The following DHTKD1 variants were observed in gnomAD, a reference collection of about 807,000 sequenced individuals.
DHTKD1 encodes 2-oxoadipate dehydrogenase complex component E1.
In DHTKD1, 78 loss-of-function variants were observed where a neutral mutation model predicts 101.8. The ratio of observed to expected loss-of-function variants is 0.77; its 90% CI spans 0.64 to 0.93. The LOEUF (loss-of-function observed/expected upper bound fraction) is 0.93, where lower values mean the gene tolerates loss of function less well. Among genes scored for constraint, DHTKD1 ranks in the 40% least tolerant of loss-of-function variants. The probability of loss-of-function intolerance (pLI) is 0.00; values close to 1 mark genes in which losing one functional copy is unlikely to be tolerated. For missense variants in DHTKD1, 1,223 were observed against 1,161.7 expected (o/e 1.05, Z -0.77); for synonymous variants, 462 against 450.3 (o/e 1.03, Z -0.33).
chr10:12,079,932 C>T (rs901063960), intron 1 of DHTKD1, among the ~76,000 whole-genome samples: 9 of 152,174 alleles, frequency 5.9e-5, no homozygotes, highest in Non-Finnish European at 1.3e-4. Flanking sequence ...CAAACACATC[C>T]TGTGTGTGTT....
chr10:12,100,287 G>GTT lies in DHTKD1; in HGVS notation c.1756+38_1756+39dup, dbSNP rs57815181. Reference sequence around the variant, plus strand: ...GGTAAGAATTTTCTTTTTTTTTTCTGTTTTTTTTTTTTTTGAGTCTCACCC... The same window carrying GTT: ...GGTAAGAATTTTCTTTTTTTTTTCTGTTTTTTTTTTTTTTTTGAGTCTCACCC... On this transcript the variant is annotated intron_variant, in intron 9 of 16. Coordinates refer to ENST00000263035, the MANE Select transcript of DHTKD1 (RefSeq NM_018706.7). The GTT allele has an allele frequency of 5.1e-4, 140 of 272,176 alleles. 6 individuals are homozygous for GTT. The highest frequency in any genetic ancestry group is 1.4e-3 in the Middle Eastern group (1 of 708). 16.9% of individuals were successfully genotyped at this position (272,176 alleles called of 1,614,324 possible).
At chr10:12,086,981 C>G (rs879709009) in intron 3 of DHTKD1, among the ~76,000 whole-genome samples, 1 of 152,178 alleles carries the variant, frequency 6.6e-6, no homozygotes, top group Admixed American at 6.6e-5. Flanking sequence ...ACCACCATGC[C>G]TGGCCTGGTC....
At chr10:12,102,527 T>G (rs961827257) in intron 10 of DHTKD1, among the ~76,000 whole-genome samples, 5 of 151,936 alleles carry the variant, frequency 3.3e-5, no homozygotes, top group African/African-American at 4.8e-5. Context: ...GTCCAAAATC[T>G]ACCCTTGGAT....
At position 12,089,174 on chromosome 10, in the gene DHTKD1, C is replaced by A; in HGVS notation, c.906C>A (p.Arg302=). ...AVNPVAVGKT[R]GRQQSRQDGD... is the part of the protein sequence containing the mutation. ...ACCCCGTGGCCGTGGGCAAAACTCGCGGCAGGCAGCAGTCTCGCCAAGACG... is the reference window on the plus strand; with the variant it reads ...ACCCCGTGGCCGTGGGCAAAACTCGAGGCAGGCAGCAGTCTCGCCAAGACG... The change falls in exon 5 of 17, where the codon CGC becomes CGA. Residue 302 remains arginine (R), a synonymous_variant. Transcript: ENST00000263035. 1 of 1,614,146 alleles carries A rather than the reference C, an allele frequency of 6.2e-7. No homozygotes were observed. The highest frequency in any genetic ancestry group is 1.1e-5 in the South Asian group (1 of 91,074).
Position 12,094,213 on chromosome 10 carries a change from G to A in DHTKD1, c.1300G>A (p.Gly434Ser), listed in dbSNP as rs145036232. 8.2e-5 allele frequency: 133 copies of A among 1,614,128 alleles called. No homozygotes were observed. In the African/African-American group the frequency reaches 1.7e-3, roughly 20 times the overall value. ...TGATCTGTTGTGCTACAGGCAGTGG[G>A]GCCACAATGAGCTGGATGAGCCATT... The part of the protein sequence containing the change: ...IIDLLCYRQW[G>S]HNELDEPFYT... The change falls in exon 7 of 17, where the codon GGC (glycine) becomes AGC (serine). Residue 434 changes from glycine (G) to serine (S), a missense_variant. Gly to Ser is a moderately conservative substitution (Grantham distance 56). Transcript: ENST00000263035.
chr10:12,106,453 C>T lies in DHTKD1; in HGVS notation c.2047+57C>T, dbSNP rs114465220. On this transcript the variant is annotated intron_variant, in intron 11 of 16. Transcript: ENST00000263035. ...GGGGGTCCCTGCGTGGCCCCAGCCT[C>T]GTGGGGACAAATGAATGAAAAGGGG... 6.8e-4 allele frequency: 1,083 copies of T among 1,599,232 alleles called. 10 individuals are homozygous for T. In the African/African-American group the frequency reaches 0.013, roughly 19 times the overall value.
At position 12,101,108 on chromosome 10, in the gene DHTKD1, T is replaced by C; in HGVS notation, c.1823T>C (p.Val608Ala). ...RGTFSQRHAI[V>A]VCQETDDTYI... is the part of the protein sequence containing the mutation. ...ACTTTCAGTCAGAGGCATGCAATCG[T>C]GGTTTGCCAGGAGACGGATGACACC... Residue 608 changes from valine to alanine, a missense_variant, in exon 10 of 17, where the codon GTG (valine) becomes GCG (alanine). Val to Ala is a moderately conservative substitution (Grantham distance 64). Coordinates refer to ENST00000263035, the MANE Select transcript of DHTKD1 (RefSeq NM_018706.7). 6.2e-7 allele frequency: 1 copy of C among 1,614,048 alleles called. No homozygotes were observed. The highest frequency in any genetic ancestry group is 8.5e-7 in the Non-Finnish European group (1 of 1,179,990).
In DHTKD1 at chr10:12,101,140, C is replaced by T. The variant is rs767120098; in HGVS notation, c.1855C>T (p.Pro619Ser). The change falls in exon 10 of 17, where the codon CCC (proline) becomes TCC (serine). Residue 619 changes from proline to serine, a missense_variant. Physicochemically the swap from Pro to Ser is moderately conservative, Grantham distance 74. Coordinates refer to ENST00000263035, the MANE Select transcript of DHTKD1 (RefSeq NM_018706.7). ...CCAGGAGACGGATGACACCTACATC[C>T]CCCTGAACCATATGGACCCAAATCA... ...VCQETDDTYIPLNHMDPNQKG... is the reference protein window; with the variant it reads ...VCQETDDTYISLNHMDPNQKG... 6.2e-7 allele frequency: 1 copy of T among 1,614,124 alleles called. No individual in the cohort carries two copies. The highest frequency in any genetic ancestry group is 2.2e-5 in the East Asian group (1 of 44,884).
intron 12 of DHTKD1, among the ~76,000 whole-genome samples, chr10:12,111,934 A>G (rs1428061279): frequency 3.3e-5 from 5 of 152,134 alleles, no homozygotes; most frequent in East Asian, 1.9e-4. Flanking sequence ...CTCTGCAGAC[A>G]TGGAACAGGC....
intron 14 of DHTKD1, among the ~76,000 whole-genome samples, chr10:12,118,430 T>G (rs1316885419): frequency 6.7e-6 from 1 of 150,034 alleles, no homozygotes; most frequent in African/African-American, 2.5e-5. Context: ...TCGCCCAGGC[T>G]GGAGTGCAGT....
rs12416681 is a variant in DHTKD1, at chr10:12,117,669, G to A, written c.2320-4G>A. 164,476 of 1,576,106 alleles carry A rather than the reference G, an allele frequency of 0.1. 9,630 individuals carry two copies. The highest frequency in any genetic ancestry group is 0.12 in the Non-Finnish European group (137,079 of 1,152,528). Reference sequence around the variant, plus strand: ...CTGGATGTGTGGCCTCTTCTCCCTCGTAGGCAGCCGTGTCAACTCTTCAAG... The same window carrying A: ...CTGGATGTGTGGCCTCTTCTCCCTCATAGGCAGCCGTGTCAACTCTTCAAG... On this transcript the variant is annotated splice_polypyrimidine_tract_variant and splice_region_variant and intron_variant, in intron 13 of 16. Transcript: ENST00000263035.
At chr10:12,091,775 G>T in intron 6 of DHTKD1, 91 bp downstream of exon 6, 1 of 975,242 alleles carries the variant, frequency 1.0e-6, no homozygotes. Flanking sequence ...GAGCCTCACT[G>T]GTTATCCCTC....
chr10:12,105,633 G>A (rs78145770), intron 10 of DHTKD1, among the ~76,000 whole-genome samples: 69 of 152,228 alleles, frequency 4.5e-4, no homozygotes, highest in African/African-American at 1.5e-3. Context: ...CTTATAAGAC[G>A]CAGTTGTATA....
chr10:12,103,079 C>A lies in DHTKD1; in HGVS notation c.1896+1898C>A, dbSNP rs755007799. Among the ~76,000 whole-genome samples, 1 of 152,060 alleles carries A rather than the reference C, an allele frequency of 6.6e-6. No homozygotes were observed. The stretch of plus-strand genomic sequence containing the variant: ...CTCTACTAAAAATACAAAAATTAGT[C>A]GGGCATGGTGGCACACGCCTGTAAT... On this transcript the variant is annotated intron_variant, in intron 10 of 16. Transcript: ENST00000263035. This position sits in a 1 kb window ranked among gnomAD's most constrained non-coding sequence, Gnocchi z 4.8.
intron 12 of DHTKD1, among the ~76,000 whole-genome samples, chr10:12,109,268 A>G (rs1373804617): frequency 1.3e-5 from 2 of 152,140 alleles, no homozygotes; most frequent in Admixed American, 1.3e-4. Context: ...TAAACAGATG[A>G]TAGCTTAATA....
In DHTKD1 at chr10:12,091,674, C is replaced by T; in HGVS notation, c.1149C>T (p.Cys383=). The part of the protein sequence containing the change: ...PAERGRSSLY[C]SDIGKLVGCA... ...AAAGAGGAAGGTCTTCTTTATACTGCAGTGATATTGGTACGTAACACAGGG... is the reference window on the plus strand; with the variant it reads ...AAAGAGGAAGGTCTTCTTTATACTGTAGTGATATTGGTACGTAACACAGGG... The change falls in exon 6 of 17, where the codon TGC becomes TGT. Residue 383 remains cysteine (C), a synonymous_variant. Transcript: ENST00000263035. 6.2e-7 allele frequency: 1 copy of T among 1,613,540 alleles called. No homozygotes were observed. The highest frequency in any genetic ancestry group is 8.5e-7 in the Non-Finnish European group (1 of 1,179,808).
Position 12,087,528 on chromosome 10 carries a change from T to A in DHTKD1, c.523-7T>A. 5 of 1,584,320 alleles carry A rather than the reference T, an allele frequency of 3.2e-6. No individual in the cohort carries two copies. Among genetic ancestry groups the A allele is most frequent in the Non-Finnish European group, 4.3e-6 (5 of 1,164,426 alleles). ...TGGCAGCTCACGTCTGACATGATGT[T>A]CTGCAGGAGTTTGACCACTTTCTGG... On this transcript the variant is annotated splice_polypyrimidine_tract_variant and splice_region_variant and intron_variant, in intron 3 of 16. Coordinates refer to ENST00000263035, the MANE Select transcript of DHTKD1 (RefSeq NM_018706.7). The surrounding 1 kb of genome is among the most constrained non-coding windows in gnomAD (Gnocchi z 5.2).
intron 9 of DHTKD1, 25 bp downstream of exon 9, chr10:12,100,287 G>GCT: frequency 7.4e-6 from 2 of 269,862 alleles, no homozygotes; most frequent in Admixed American, 7.6e-5. Flanking sequence ...TTTTTTTTCT[G>GCT]TTTTTTTTTT....
chr10:12,118,618 G>A lies in DHTKD1; in HGVS notation c.2403-131G>A, dbSNP rs998233193. On this transcript the variant is annotated intron_variant, in intron 14 of 16. Coordinates refer to ENST00000263035, the MANE Select transcript of DHTKD1 (RefSeq NM_018706.7). Reference sequence around the variant, plus strand: ...AGGATGGTCTTGATTTCCTGACCTCGTGATCCGCCCGCCTTGGCCTCCCAA... The same window carrying A: ...AGGATGGTCTTGATTTCCTGACCTCATGATCCGCCCGCCTTGGCCTCCCAA... The A allele has an allele frequency of 1.6e-4, 82 of 510,848 alleles. 1 individual carries two copies. The highest frequency in any genetic ancestry group is 4.0e-4 in the South Asian group (9 of 22,738). The allele number at this position is 510,848 out of a possible 1,614,324, so 31.6% of individuals were successfully genotyped here. A position where few individuals can be genotyped will look rare whatever the true frequency, so the allele number is the denominator to read the frequency against.
Sources: gnomAD v4.1 joint callset for allele counts (sites outside exome capture counted in the v4.1 genomes callset) on GRCh38, gnomAD v4.1.1 for gene constraint, Gnocchi (gnomAD v3.1) non-coding constraint, MANE v1.5 for transcripts, NCBI Gene and HGNC (gene_info 2026-07-23, HGNC 2026-07-21) for gene names.